Variants in KCNH5 observed in about 807,000 individuals in gnomAD.
The protein encoded by KCNH5 is voltage-gated delayed rectifier potassium channel KCNH5.
KCNH5 carries 46 observed loss-of-function variants against 96.1 expected under a neutral mutation model. The observed-to-expected ratio is 0.48, with a 90% CI of 0.38 to 0.61. The LOEUF (loss-of-function observed/expected upper bound fraction) is 0.61. Ranked by LOEUF, KCNH5 falls within the 20% of genes least tolerant of loss-of-function variation. KCNH5 has a pLI of 0.00. For synonymous variants in KCNH5, 439 were observed against 449.8 expected, an observed-to-expected ratio of 0.98 and a Z score of 0.30; for missense variants, 907 against 1,225.8, an observed-to-expected ratio of 0.74 and a Z score of 3.88.
At chr14:62,906,322 G>C (rs189824360) in intron 7 of KCNH5, among the ~76,000 whole-genome samples, 1 of 152,128 alleles carries the variant, frequency 6.6e-6, no homozygotes, top group Non-Finnish European at 1.5e-5. Flanking sequence ...CACATACTTG[G>C]TGCTGTGAGA....
At position 62,819,400 on chromosome 14, in the gene KCNH5, A is replaced by G. The variant is rs149987780; in HGVS notation, c.1570-16819T>C. ...TATATGATTCCACTTATATGAAATG[A>G]GAAGAATAAACAAATCCATAGACAC... On this transcript the variant is annotated intron_variant, in intron 8 of 10. Coordinates refer to ENST00000322893, the MANE Select transcript of KCNH5 (RefSeq NM_139318.5). 1.6e-3 allele frequency among the ~76,000 whole-genome samples: 251 copies of G among 152,350 alleles called. 2 individuals carry two copies. Among genetic ancestry groups the G allele is most frequent in the African/African-American group, 5.6e-3 (233 of 41,590 alleles).
intron 8 of KCNH5, among the ~76,000 whole-genome samples, chr14:62,815,072 C>A (rs1886950872): frequency 6.6e-6 from 1 of 152,168 alleles, no homozygotes; most frequent in Non-Finnish European, 1.5e-5. Context: ...CATTGTGGCA[C>A]AGTCACATAA....
At chr14:63,001,049 C>A (rs1234741631) in intron 4 of KCNH5, among the ~76,000 whole-genome samples, 1 of 152,092 alleles carries the variant, frequency 6.6e-6, no homozygotes, top group African/African-American at 2.4e-5. Context: ...CACTCCAGCC[C>A]AAGCAACAGA....
chr14:62,717,506 G>A (rs1327065022), intron 10 of KCNH5, among the ~76,000 whole-genome samples: 1 of 152,146 alleles, frequency 6.6e-6, no homozygotes, highest in Non-Finnish European at 1.5e-5. Context: ...ACCGGTTTTT[G>A]ACAAGGTTGT....
At chr14:62,873,149 C>CAAAAA in intron 7 of KCNH5, among the ~76,000 whole-genome samples, 1 of 113,906 alleles carries the variant, frequency 8.8e-6, no homozygotes, top group Admixed American at 9.5e-5. Context: ...GACTCTGACT[C>CAAAAA]AAAAAAAAAA....
chr14:62,921,412 A>T (rs11158461), intron 7 of KCNH5, among the ~76,000 whole-genome samples: 1 of 151,964 alleles, frequency 6.6e-6, no homozygotes, highest in East Asian at 1.9e-4. Flanking sequence ...AACTGAATGC[A>T]TAATGTCTAA....
intron 6 of KCNH5, among the ~76,000 whole-genome samples, chr14:62,980,221 T>C (rs997503888): frequency 6.6e-6 from 1 of 152,194 alleles, no homozygotes; most frequent in Admixed American, 6.5e-5. Context: ...AGTCTCAGGT[T>C]GTATCTTTAT....
chr14:62,770,171 T>C (rs537036975), intron 10 of KCNH5, among the ~76,000 whole-genome samples: 1 of 152,316 alleles, frequency 6.6e-6, no homozygotes, highest in South Asian at 2.1e-4. Context: ...TCGAAGATGC[T>C]CGTATTGCTA....
At chr14:63,005,023 T>C (rs1486209540) in intron 3 of KCNH5, among the ~76,000 whole-genome samples, 1 of 152,196 alleles carries the variant, frequency 6.6e-6, no homozygotes, top group Non-Finnish European at 1.5e-5. Flanking sequence ...GATTTTTTGG[T>C]ATACAGGTCT....
intron 9 of KCNH5, among the ~76,000 whole-genome samples, chr14:62,787,750 A>T (rs141074989): frequency 6.6e-6 from 1 of 152,272 alleles, no homozygotes; most frequent in East Asian, 1.9e-4. Flanking sequence ...TGCTAAATCT[A>T]CTCTGCCTTT....
intron 10 of KCNH5, among the ~76,000 whole-genome samples, chr14:62,742,151 T>A (rs1885283962): frequency 6.6e-6 from 1 of 152,086 alleles, no homozygotes; most frequent in South Asian, 2.1e-4. Context: ...ATAACTAACG[T>A]CCTAAGTAGC....
At chr14:62,917,415 A>C (rs374310827) in intron 7 of KCNH5, among the ~76,000 whole-genome samples, 1 of 149,976 alleles carries the variant, frequency 6.7e-6, no homozygotes, top group East Asian at 2.0e-4. Flanking sequence ...TCCTGCATCC[A>C]CACAAATGCT....
intron 3 of KCNH5, among the ~76,000 whole-genome samples, chr14:63,006,101 G>A (rs1232370399): frequency 6.6e-6 from 1 of 152,196 alleles, no homozygotes; most frequent in South Asian, 2.1e-4. Context: ...TTTATTATAA[G>A]TATTAATTAC....
chr14:62,944,718 T>C (rs1344846596), intron 7 of KCNH5, among the ~76,000 whole-genome samples: 2 of 152,198 alleles, frequency 1.3e-5, no homozygotes, highest in Non-Finnish European at 2.9e-5. Flanking sequence ...TTCATGAATC[T>C]AGACAGCTTT....
intron 8 of KCNH5, among the ~76,000 whole-genome samples, chr14:62,827,921 A>G (rs944610014): frequency 3.3e-5 from 5 of 152,060 alleles, no homozygotes; most frequent in Admixed American, 6.6e-5. Context: ...TCTCTATTAC[A>G]TGTTTGCACC....
At chr14:62,972,777 G>A (rs538941004) in intron 6 of KCNH5, among the ~76,000 whole-genome samples, 89 of 152,250 alleles carry the variant, frequency 5.8e-4, no homozygotes, top group African/African-American at 2.0e-3. Context: ...CAAACTATCT[G>A]ATTCTAACTA....
At chr14:62,823,042 C>T (rs1486802758) in intron 8 of KCNH5, among the ~76,000 whole-genome samples, 3 of 151,994 alleles carry the variant, frequency 2.0e-5, no homozygotes, top group Admixed American at 2.0e-4. Flanking sequence ...GAATCCTGGT[C>T]TAATTCAGCA....
chr14:62,727,260 G>A (rs1193157347), intron 10 of KCNH5, among the ~76,000 whole-genome samples: 2 of 152,112 alleles, frequency 1.3e-5, no homozygotes, highest in African/African-American at 2.4e-5. Context: ...AGCTACTTGG[G>A]AAGCTGAGGC....
At chr14:62,891,832 T>C (rs1044705388) in intron 7 of KCNH5, among the ~76,000 whole-genome samples, 2 of 152,226 alleles carry the variant, frequency 1.3e-5, no homozygotes, top group Non-Finnish European at 2.9e-5. Context: ...TTGGATATTA[T>C]TGTGATTGTT....
Sources: gnomAD v4.1 joint callset for allele counts (sites outside exome capture counted in the v4.1 genomes callset) on GRCh38, gnomAD v4.1.1 for gene constraint, MANE v1.5 for transcripts, NCBI Gene and HGNC (gene_info 2026-07-23, HGNC 2026-07-21) for gene names.